GRIP1: variants seen among roughly 807,000 people sequenced by gnomAD.
The protein encoded by GRIP1 is glutamate receptor-interacting protein 1.
In GRIP1, 45 loss-of-function variants were observed where a neutral mutation model predicts 129.9. The observed-to-expected ratio is 0.35, with a 90% CI of 0.27 to 0.44. The LOEUF (loss-of-function observed/expected upper bound fraction) is 0.44, where lower values mean the gene tolerates loss of function less well. GRIP1 is among the 20% of genes least tolerant of loss of function. The pLI is 1.00. For synonymous variants in GRIP1, 530 were observed against 520.8 expected (o/e 1.02, Z -0.24); for missense variants, 1,196 against 1,396.8 (o/e 0.86, Z 2.29).
chr12:66,965,373 G>T (rs1207157881), intron 1 of GRIP1, among the ~76,000 whole-genome samples: 2 of 151,914 alleles, frequency 1.3e-5, no homozygotes, highest in African/African-American at 4.8e-5. Context: ...AAAAGATTCT[G>T]CCTTTTTGGA....
At chr12:66,371,418 C>T (rs775603013) in intron 23 of GRIP1, among the ~76,000 whole-genome samples, 2 of 152,164 alleles carry the variant, frequency 1.3e-5, no homozygotes, top group Non-Finnish European at 2.9e-5. Flanking sequence ...CTCGGCCTCC[C>T]AAAGTGCTGG....
chr12:66,503,077 C>T (rs149851415), intron 7 of GRIP1, among the ~76,000 whole-genome samples: 17 of 152,178 alleles, frequency 1.1e-4, no homozygotes, highest in African/African-American at 4.1e-4. Flanking sequence ...GCCAGTGCAC[C>T]AGGGAGAGAT....
intron 21 of GRIP1, 36 bp downstream of exon 21, chr12:66,377,138 A>G (rs762099232): frequency 6.4e-7 from 1 of 1,564,516 alleles, no homozygotes; most frequent in African/African-American, 1.4e-5. Context: ...AAATGAATGT[A>G]GAAACAATAA....
intron 2 of GRIP1, among the ~76,000 whole-genome samples, chr12:66,549,514 C>T (rs888284940): frequency 6.6e-6 from 1 of 151,964 alleles, no homozygotes; most frequent in African/African-American, 2.4e-5. Flanking sequence ...AAGTTTATTC[C>T]CCTCAGGAAA....
chr12:66,526,577 T>C (rs1353808554), intron 5 of GRIP1, among the ~76,000 whole-genome samples: 1 of 152,130 alleles, frequency 6.6e-6, no homozygotes, highest in Non-Finnish European at 1.5e-5. Flanking sequence ...ATAAAAACCC[T>C]AGAAGAAAAC....
chr12:66,626,177 A>AG, intron 1 of GRIP1, among the ~76,000 whole-genome samples: 1 of 152,144 alleles, frequency 6.6e-6, no homozygotes, highest in South Asian at 2.1e-4. Flanking sequence ...AATACAAAAA[A>AG]CAAACAAAAA....
At chr12:66,778,421 C>A (rs766585108) in intron 1 of GRIP1, among the ~76,000 whole-genome samples, 2 of 152,088 alleles carry the variant, frequency 1.3e-5, no homozygotes, top group African/African-American at 4.8e-5. Flanking sequence ...TGATCCCCTA[C>A]AATATTATAG....
intron 1 of GRIP1, among the ~76,000 whole-genome samples, chr12:66,956,102 A>C (rs572323388): frequency 1.3e-5 from 2 of 152,364 alleles, no homozygotes; most frequent in East Asian, 1.9e-4. Context: ...TAATATTGCT[A>C]TAATTCTATT....
chr12:66,358,312 G>C (rs2054589873), intron 23 of GRIP1, among the ~76,000 whole-genome samples: 1 of 152,118 alleles, frequency 6.6e-6, no homozygotes, highest in Admixed American at 6.5e-5. Flanking sequence ...GGATCCATTG[G>C]TTTTGGTCGC....
At chr12:66,445,283 G>A (rs540679248) in intron 12 of GRIP1, 39 bp downstream of exon 12, 36 of 1,534,314 alleles carry the variant, frequency 2.3e-5, no homozygotes, top group South Asian at 1.7e-4. Flanking sequence ...TACCAGAAAC[G>A]CAGAGCAGAA....
intron 1 of GRIP1, among the ~76,000 whole-genome samples, chr12:66,924,298 C>T (rs2041260957): frequency 6.6e-6 from 1 of 152,204 alleles, no homozygotes; most frequent in Non-Finnish European, 1.5e-5. Flanking sequence ...GAGCCTGGCA[C>T]ACAGTGGGCA....
chr12:66,842,661 C>T (rs11176447), intron 1 of GRIP1, among the ~76,000 whole-genome samples: 23,724 of 152,026 alleles, frequency 0.16, 2,025 homozygotes, highest in East Asian at 0.37. Flanking sequence ...AACAAAAATG[C>T]CCAATGGGAC....
chr12:66,712,721 A>G (rs2035749978), intron 1 of GRIP1, among the ~76,000 whole-genome samples: 1 of 151,986 alleles, frequency 6.6e-6, no homozygotes, highest in Non-Finnish European at 1.5e-5. Context: ...TTTCTTCCTA[A>G]ATCACAGCTT....
chr12:66,650,436 C>T (rs970281916), intron 1 of GRIP1, among the ~76,000 whole-genome samples: 3 of 151,872 alleles, frequency 2.0e-5, no homozygotes, highest in Admixed American at 6.6e-5. Flanking sequence ...AATTATAAGC[C>T]CTTAAAAATC....
chr12:66,580,466 T>C (rs548889176), intron 2 of GRIP1, among the ~76,000 whole-genome samples: 22 of 152,260 alleles, frequency 1.4e-4, no homozygotes, highest in African/African-American at 4.8e-4. Context: ...GACTGGCAAA[T>C]TGGCTAAAGA....
intron 1 of GRIP1, among the ~76,000 whole-genome samples, chr12:66,651,720 A>C (rs1033029780): frequency 2.6e-5 from 4 of 152,158 alleles, no homozygotes; most frequent in Non-Finnish European, 5.9e-5. Flanking sequence ...GAGGAAAAAA[A>C]ATTCATTTGC....
chr12:66,977,222 A>G (rs1381565668), intron 1 of GRIP1, among the ~76,000 whole-genome samples: 1 of 150,392 alleles, frequency 6.6e-6, no homozygotes, highest in East Asian at 1.9e-4. Context: ...TTGTCAAATC[A>G]TTTTCTGCAT....
chr12:66,955,597 T>A, intron 1 of GRIP1, among the ~76,000 whole-genome samples: 1 of 141,216 alleles, frequency 7.1e-6, no homozygotes, highest in East Asian at 2.3e-4. Flanking sequence ...AACCTCCACC[T>A]CCCAGGTTCA....
intron 1 of GRIP1, among the ~76,000 whole-genome samples, chr12:66,626,160 T>C (rs971117600): frequency 7.2e-5 from 11 of 151,982 alleles, no homozygotes; most frequent in Admixed American, 5.9e-4. Context: ...CCCCCATCTC[T>C]ATCAAAAATA....
Sources: gnomAD v4.1 joint callset for allele counts (sites outside exome capture counted in the v4.1 genomes callset) on GRCh38, gnomAD v4.1.1 for gene constraint, MANE v1.5 for transcripts, NCBI Gene and HGNC (gene_info 2026-07-23, HGNC 2026-07-21) for gene names.